NT5DC3: variants seen among roughly 807,000 people sequenced by gnomAD.
NT5DC3 encodes 5'-nucleotidase domain-containing protein 3.
Under a neutral mutation model 67.8 loss-of-function variants are expected in NT5DC3, and 42 were observed. The ratio of observed to expected loss-of-function variants is 0.62; its 90% CI spans 0.48 to 0.80. NT5DC3 has a LOEUF of 0.80. Among genes scored for constraint, NT5DC3 ranks in the 30% least tolerant of loss-of-function variants. The pLI is 0.00. For synonymous variants in NT5DC3, 237 were observed against 255.6 expected, an observed-to-expected ratio of 0.93 and a Z score of 0.69; for missense variants, 570 against 696.4, an observed-to-expected ratio of 0.82 and a Z score of 2.04.
intron 9 of NT5DC3, among the ~76,000 whole-genome samples, chr12:103,792,692 C>A (rs184828501): frequency 3.3e-5 from 5 of 152,154 alleles, no homozygotes; most frequent in Non-Finnish European, 7.3e-5. Flanking sequence ...GATATTAAGA[C>A]GTAATAGAGA....
chr12:103,798,093 G>A (rs1955551439), intron 5 of NT5DC3, among the ~76,000 whole-genome samples: 1 of 152,260 alleles, frequency 6.6e-6, no homozygotes, highest in South Asian at 2.1e-4. Flanking sequence ...CTAGCTGACC[G>A]AGCATCGTCC....
intron 1 of NT5DC3, among the ~76,000 whole-genome samples, chr12:103,839,221 T>A (rs1888277410): frequency 1.3e-5 from 2 of 152,214 alleles, no homozygotes; most frequent in Non-Finnish European, 2.9e-5. Flanking sequence ...TTGGATAAAG[T>A]GTATGCCAGA....
At chr12:103,828,103 T>C (rs1047740095) in intron 1 of NT5DC3, among the ~76,000 whole-genome samples, 1 of 152,240 alleles carries the variant, frequency 6.6e-6, no homozygotes, top group Non-Finnish European at 1.5e-5. Flanking sequence ...AAAGTTGAGC[T>C]TCCAAAATGA....
chr12:103,800,309 C>T (rs1345933304), intron 4 of NT5DC3, among the ~76,000 whole-genome samples: 2 of 152,152 alleles, frequency 1.3e-5, no homozygotes, highest in Non-Finnish European at 2.9e-5. Flanking sequence ...ACAGAAACAC[C>T]GGACTCCCTT....
chr12:103,793,114 C>T (rs779493817), intron 9 of NT5DC3, 50 bp downstream of exon 9: 1 of 1,259,614 alleles, frequency 7.9e-7, no homozygotes, highest in Non-Finnish European at 1.1e-6. Flanking sequence ...TCTATATATT[C>T]ACAGCAGCAA....
At position 103,777,568 on chromosome 12, in the gene NT5DC3, A is replaced by G. The variant is rs750377758; in HGVS notation, c.*261T>C. 1 of 503,236 alleles carries G rather than the reference A, an allele frequency of 2.0e-6. No homozygotes were observed. The highest frequency in any genetic ancestry group is 1.9e-5 in the African/African-American group (1 of 52,556). 31.2% of individuals were successfully genotyped at this position (503,236 alleles called of 1,614,324 possible). A position where few individuals can be genotyped will look rare whatever the true frequency, so the allele number is the denominator to read the frequency against. ...CCTATCCCAGGAAACCTGATGTTCC[A>G]GGACCTCAGTAAACAAAAAGGCAAA... On this transcript the variant is annotated 3_prime_UTR_variant, in exon 14 of 14. Coordinates refer to ENST00000392876, the MANE Select transcript of NT5DC3 (RefSeq NM_001031701.3).
At chr12:103,754,442 A>T in the NT5DC3 span, among the ~76,000 whole-genome samples, 1 of 152,066 alleles carries the variant, frequency 6.6e-6, no homozygotes, top group African/African-American at 2.4e-5. Context: ...TTGTATAAGG[A>T]TTTAAAACGT....
chr12:103,832,770 T>C (rs994297657), intron 1 of NT5DC3, among the ~76,000 whole-genome samples: 10 of 152,182 alleles, frequency 6.6e-5, no homozygotes, highest in Non-Finnish European at 1.0e-4. Context: ...ATAAGGATCA[T>C]TGAGCATAAC....
intron 1 of NT5DC3, among the ~76,000 whole-genome samples, chr12:103,832,998 T>A (rs560121500): frequency 1.2e-4 from 19 of 152,370 alleles, no homozygotes; most frequent in African/African-American, 4.3e-4. Context: ...ACTCCATTAC[T>A]CTATATCCCT....
the NT5DC3 span, among the ~76,000 whole-genome samples, chr12:103,759,699 ATGG>A: frequency 6.6e-6 from 1 of 152,162 alleles, no homozygotes; most frequent in Non-Finnish European, 1.5e-5. Flanking sequence ...GATGATGGTG[ATGG>A]TGGTGATGAT....
At chr12:103,840,377 G>GCTCATCTCCT (rs1888333732) in intron 1 of NT5DC3, among the ~76,000 whole-genome samples, 1 of 115,308 alleles carries the variant, frequency 8.7e-6, no homozygotes, top group Non-Finnish European at 1.8e-5. Flanking sequence ...ACACCGCACA[G>GCTCATCTCCT]CTCATCTCAT....
chr12:103,756,610 C>T, the NT5DC3 span, among the ~76,000 whole-genome samples: 7 of 152,220 alleles, frequency 4.6e-5, no homozygotes, highest in Non-Finnish European at 1.0e-4. Flanking sequence ...TGGGCTCAAT[C>T]TCAGACTGCC....
Position 103,785,379 on chromosome 12 carries a change from T to C in NT5DC3, c.1285A>G (p.Met429Val). The C allele has an allele frequency of 4.3e-6, 7 of 1,614,150 alleles. No individual in the cohort carries two copies. Among genetic ancestry groups the C allele is most frequent in the Non-Finnish European group, 5.9e-6 (7 of 1,179,964 alleles). The part of the protein sequence containing the change: ...IMNTEQYIQT[M>V]TWLQTLTGLL... ...CCAGTCAAGGTCTGCAGCCAGGTCA[T>C]GGTTTGAATGTATTGCTCCGTGTTC... The change falls in exon 12 of 14, where the codon ATG (methionine) becomes GTG (valine). Residue 429 changes from methionine (M) to valine (V), a missense_variant. Met to Val is a conservative substitution (Grantham distance 21). Coordinates refer to ENST00000392876, the MANE Select transcript of NT5DC3 (RefSeq NM_001031701.3).
At chr12:103,797,148 A>G in intron 5 of NT5DC3, 117 bp from the exon 6 acceptor site, 1 of 1,106,680 alleles carries the variant, frequency 9.0e-7, no homozygotes, top group East Asian at 2.4e-5. Flanking sequence ...CCCATCATCA[A>G]CACAAAAAAG....
the NT5DC3 span, chr12:103,750,543 G>T: frequency 6.2e-7 from 1 of 1,609,848 alleles, no homozygotes; most frequent in Non-Finnish European, 8.5e-7. Context: ...TCCTAGAGAA[G>T]GAACTTTTTC....
chr12:103,837,399 G>C (rs548851301), intron 1 of NT5DC3, among the ~76,000 whole-genome samples: 2 of 152,186 alleles, frequency 1.3e-5, no homozygotes, highest in Non-Finnish European at 2.9e-5. Flanking sequence ...TGCTACTTAT[G>C]CAAATTTCTG....
downstream of NT5DC3, among the ~76,000 whole-genome samples, chr12:103,767,091 A>ATT (rs1158865516): frequency 1.2e-4 from 19 of 152,280 alleles, no homozygotes; most frequent in African/African-American, 4.6e-4. Context: ...TATATCCAAG[A>ATT]GACAGAAATC....
At chr12:103,830,052 C>T (rs1315676747) in intron 1 of NT5DC3, among the ~76,000 whole-genome samples, 2 of 152,186 alleles carry the variant, frequency 1.3e-5, no homozygotes, top group African/African-American at 4.8e-5. Context: ...AGTAATAATA[C>T]TATCAATAAT....
At chr12:103,792,908 C>A (rs1886128462) in intron 9 of NT5DC3, among the ~76,000 whole-genome samples, 1 of 152,162 alleles carries the variant, frequency 6.6e-6, no homozygotes, top group South Asian at 2.1e-4. Flanking sequence ...CTCATCACTG[C>A]CAATCATTTT....
Sources: gnomAD v4.1 joint callset for allele counts (sites outside exome capture counted in the v4.1 genomes callset) on GRCh38, gnomAD v4.1.1 for gene constraint, MANE v1.5 for transcripts, NCBI Gene and HGNC (gene_info 2026-07-23, HGNC 2026-07-21) for gene names.